The following IPO11 variants were observed in gnomAD, a reference collection of about 807,000 sequenced individuals.
The protein encoded by IPO11 is importin 11, also known as importin-11.
A neutral mutation model predicts 143.2 loss-of-function variants in IPO11; 66 were observed. The ratio of observed to expected loss-of-function variants is 0.46; its 90% CI spans 0.38 to 0.57. IPO11 has a LOEUF of 0.57. Among genes scored for constraint, IPO11 ranks in the 20% least tolerant of loss-of-function variants. The probability of loss-of-function intolerance (pLI) is 0.00; values close to 1 mark genes in which losing one functional copy is unlikely to be tolerated. For synonymous variants in IPO11, 385 were observed against 377.8 expected, an observed-to-expected ratio of 1.02 and a Z score of -0.22; for missense variants, 1,026 against 1,141.0, an observed-to-expected ratio of 0.90 and a Z score of 1.45.
intron 5 of IPO11, among the ~76,000 whole-genome samples, chr5:62,463,371 G>C (rs1745444241): frequency 6.6e-6 from 1 of 151,852 alleles, no homozygotes; most frequent in Admixed American, 6.6e-5. Context: ...GATATCAAAA[G>C]GTTTAAACAG....
chr5:62,561,512 C>G (rs1186962408), intron 27 of IPO11, among the ~76,000 whole-genome samples: 1 of 151,884 alleles, frequency 6.6e-6, no homozygotes, highest in African/African-American at 2.4e-5. Flanking sequence ...TCATTCTTGT[C>G]TGAATTTCCA....
chr5:62,578,247 CAG>C (rs1744395879), intron 27 of IPO11, among the ~76,000 whole-genome samples: 1 of 152,000 alleles, frequency 6.6e-6, no homozygotes, highest in African/African-American at 2.4e-5. Flanking sequence ...AAGTAGTACT[CAG>C]TATTTTTTGC....
chr5:62,428,218 CATG>C (rs1382823488), intron 1 of IPO11, among the ~76,000 whole-genome samples: 1 of 151,918 alleles, frequency 6.6e-6, no homozygotes, highest in Non-Finnish European at 1.5e-5. Flanking sequence ...TTTAAAGAGA[CATG>C]GTGTCATTAT....
intron 13 of IPO11, 59 bp from the exon 14 acceptor site, chr5:62,489,228 GTTTAAATATAAATTT>G (rs1746518669): frequency 1.2e-6 from 1 of 804,448 alleles, no homozygotes; most frequent in South Asian, 2.1e-5. Flanking sequence ...AACAAATTGT[GTTTAAATATAAATTT>G]TTTAAAAAAC....
At chr5:62,565,527 T>C (rs547325137) in intron 27 of IPO11, among the ~76,000 whole-genome samples, 2 of 152,206 alleles carry the variant, frequency 1.3e-5, no homozygotes, top group East Asian at 3.9e-4. Flanking sequence ...AACTTTAATT[T>C]CGATTATGAA....
At chr5:62,586,365 A>G (rs1212842190) in intron 27 of IPO11, among the ~76,000 whole-genome samples, 1 of 152,216 alleles carries the variant, frequency 6.6e-6, no homozygotes, top group South Asian at 2.1e-4. Flanking sequence ...CCCTTTGATC[A>G]TGTAACACTG....
intron 24 of IPO11, among the ~76,000 whole-genome samples, chr5:62,544,109 C>G (rs1176494503): frequency 1.3e-5 from 2 of 151,980 alleles, no homozygotes; most frequent in Non-Finnish European, 1.5e-5. Flanking sequence ...TTTATGAGGC[C>G]AACATCATCC....
At chr5:62,482,583 T>C (rs544471752) in intron 9 of IPO11, among the ~76,000 whole-genome samples, 1 of 152,326 alleles carries the variant, frequency 6.6e-6, no homozygotes, top group East Asian at 1.9e-4. Flanking sequence ...CAGCTGTTGA[T>C]CATCATTTGC....
At chr5:62,455,708 A>T (rs1385846009) in intron 5 of IPO11, among the ~76,000 whole-genome samples, 2 of 152,094 alleles carry the variant, frequency 1.3e-5, no homozygotes, top group Non-Finnish European at 2.9e-5. Flanking sequence ...GTTGAGAGCA[A>T]ATTGTTTTGC....
At chr5:62,564,289 T>C (rs756724731) in intron 27 of IPO11, among the ~76,000 whole-genome samples, 1 of 152,186 alleles carries the variant, frequency 6.6e-6, no homozygotes, top group African/African-American at 2.4e-5. Flanking sequence ...CGTGCTGATA[T>C]TCAAGTCAGC....
At chr5:62,570,995 A>C (rs1048248621) in intron 27 of IPO11, among the ~76,000 whole-genome samples, 1 of 152,200 alleles carries the variant, frequency 6.6e-6, no homozygotes, top group Non-Finnish European at 1.5e-5. Context: ...ATATAGAAAA[A>C]TAATTATACA....
At chr5:62,442,725 T>A (rs981669556) in intron 2 of IPO11, among the ~76,000 whole-genome samples, 1 of 151,820 alleles carries the variant, frequency 6.6e-6, no homozygotes, top group African/African-American at 2.4e-5. Context: ...TTAGCTGGGC[T>A]TGGTGGCAGG....
At chr5:62,470,816 CTTTTTTTTTTTTTTTTT>C (rs70981015) in intron 7 of IPO11, among the ~76,000 whole-genome samples, 14 of 62,562 alleles carry the variant, frequency 2.2e-4, no homozygotes, top group Admixed American at 8.3e-4. Flanking sequence ...TAGCCATCTT[CTTTTTTTTTTTTTTTTT>C]TTTTTTTTTT....
At chr5:62,556,145 C>CA (rs1743568985) in intron 26 of IPO11, among the ~76,000 whole-genome samples, 1 of 152,008 alleles carries the variant, frequency 6.6e-6, no homozygotes, top group African/African-American at 2.4e-5. Flanking sequence ...AAAAAAAATA[C>CA]ATCTTATTGA....
Position 62,530,704 on chromosome 5 carries a change from C to T in IPO11, c.2013-5C>T. ...GTGGTTTAATCATCTGTTTTTCCTT[C>T]CTAGGTTAGTAACTTTGGAAAACAG... On this transcript the variant is annotated splice_region_variant and splice_polypyrimidine_tract_variant and intron_variant, in intron 21 of 29. Coordinates refer to ENST00000325324, the MANE Select transcript of IPO11 (RefSeq NM_016338.5). The T allele has an allele frequency of 1.9e-6, 3 of 1,605,796 alleles. No individual in the cohort carries two copies. Among genetic ancestry groups the T allele is most frequent in the South Asian group, 1.1e-5 (1 of 90,756 alleles).
Position 62,451,759 on chromosome 5 carries a change from A to AGTGCAGCAACAATCC in IPO11, c.342_343insGTGCAGCAACAATCC (p.Ala114_Lys115insValGlnGlnGlnSer). ...CAACTCAGATTGCAGTGCTCATTGC[A>AGTGCAGCAACAATCC]AAAGTTGCTAGATTGGATTGTCCCA... On this transcript the variant is annotated inframe_insertion, in exon 5 of 30. Transcript: ENST00000325324. 6.2e-7 allele frequency: 1 copy of AGTGCAGCAACAATCC among 1,614,142 alleles called. No individual in the cohort carries two copies. The highest frequency in any genetic ancestry group is 8.5e-7 in the Non-Finnish European group (1 of 1,180,026).
rs143132571 is a variant in IPO11, at chr5:62,432,484, T to C, written c.-6-4790T>C. The stretch of plus-strand genomic sequence containing the variant: ...GAGAGAGCCCTGTGTTCTTGGCTGT[T>C]ATGTCCCTGGAGTAGAGCTTCCTCA... On this transcript the variant is annotated intron_variant, in intron 1 of 29. Coordinates refer to ENST00000325324, the MANE Select transcript of IPO11 (RefSeq NM_016338.5). Among the ~76,000 whole-genome samples the C allele has an allele frequency of 2.1e-4, 32 of 152,340 alleles. No individual in the cohort carries two copies. The East Asian group carries it at 6.0e-3, about 28-fold the overall frequency.
At chr5:62,586,042 T>A (rs943896062) in intron 27 of IPO11, among the ~76,000 whole-genome samples, 1 of 152,138 alleles carries the variant, frequency 6.6e-6, no homozygotes, top group African/African-American at 2.4e-5. Flanking sequence ...TGGTGTTGGA[T>A]CTCTTAATTT....
intron 24 of IPO11, among the ~76,000 whole-genome samples, chr5:62,542,692 A>G (rs1342006222): frequency 1.3e-5 from 2 of 152,062 alleles, no homozygotes; most frequent in African/African-American, 2.4e-5. Flanking sequence ...TGTAGAGCAA[A>G]GGATACGCTT....
Sources: allele counts gnomAD v4.1 joint callset (sites outside exome capture counted in the v4.1 genomes callset), GRCh38; gene constraint gnomAD v4.1.1; transcripts MANE v1.5; gene names NCBI Gene and HGNC (gene_info 2026-07-23, HGNC 2026-07-21).